THRB: variants seen among roughly 807,000 people sequenced by gnomAD.
THRB encodes thyroid hormone receptor beta, also known as nuclear receptor subfamily 1 group A member 2.
THRB carries 12 observed loss-of-function variants against 47.8 expected under a neutral mutation model. That is an observed-to-expected ratio of 0.25 (90% CI 0.16 to 0.41). The LOEUF is 0.41. Ranked by LOEUF, THRB falls within the 10% of genes least tolerant of loss-of-function variation. The pLI, the probability that THRB is intolerant of heterozygous loss-of-function variation, is 1.00. For missense variants in THRB, 348 were observed against 589.2 expected (o/e 0.59, Z 4.24); for synonymous variants, 218 against 212.2 (o/e 1.03, Z -0.24).
At chr3:24,425,149 A>G (rs2069632882) in intron 1 of THRB, among the ~76,000 whole-genome samples, 1 of 151,764 alleles carries the variant, frequency 6.6e-6, no homozygotes, top group African/African-American at 2.4e-5. Flanking sequence ...AGTTTTCAAG[A>G]TGTGGTATTG....
chr3:24,401,583 A>G (rs1047970297), intron 1 of THRB, among the ~76,000 whole-genome samples: 9 of 152,076 alleles, frequency 5.9e-5, no homozygotes, highest in African/African-American at 2.2e-4. Context: ...ACGTCTATCA[A>G]TAACTCTGCC....
intron 3 of THRB, among the ~76,000 whole-genome samples, chr3:24,238,286 G>GTGT (rs2049105260): frequency 7.3e-6 from 1 of 136,224 alleles, no homozygotes; most frequent in African/African-American, 2.6e-5. Flanking sequence ...TGTGGGGGGG[G>GTGT]GGGGGGTGTG....
intron 3 of THRB, among the ~76,000 whole-genome samples, chr3:24,251,542 T>C (rs542996638): frequency 1.3e-5 from 2 of 152,220 alleles, no homozygotes; most frequent in South Asian, 4.1e-4. Context: ...AGAATAATTA[T>C]AAGAGATGAC....
intron 2 of THRB, among the ~76,000 whole-genome samples, chr3:24,315,167 G>T (rs1169032339): frequency 6.6e-6 from 1 of 152,152 alleles, no homozygotes; most frequent in African/African-American, 2.4e-5. Flanking sequence ...TGCCCTGATG[G>T]ACACGTCTTG....
chr3:24,138,294 A>T (rs1389188806), intron 8 of THRB, among the ~76,000 whole-genome samples: 1 of 152,044 alleles, frequency 6.6e-6, no homozygotes, highest in Non-Finnish European at 1.5e-5. Flanking sequence ...GCCAGGCTAG[A>T]CAGGAAGACC....
At chr3:24,314,457 T>C (rs1164524370) in intron 2 of THRB, among the ~76,000 whole-genome samples, 1 of 152,208 alleles carries the variant, frequency 6.6e-6, no homozygotes, top group Non-Finnish European at 1.5e-5. Flanking sequence ...TCCTGTGAGA[T>C]CCCTGCTATT....
chr3:24,398,544 G>C (rs558239833), intron 1 of THRB, among the ~76,000 whole-genome samples: 1 of 152,306 alleles, frequency 6.6e-6, no homozygotes, highest in South Asian at 2.1e-4. Context: ...TCTCACACCA[G>C]TTAGAATGGC....
chr3:24,447,884 C>T (rs922636637), intron 1 of THRB, among the ~76,000 whole-genome samples: 3 of 151,366 alleles, frequency 2.0e-5, no homozygotes, highest in Non-Finnish European at 4.4e-5. Flanking sequence ...AAAGTAGTTG[C>T]CTCTTGCTGA....
At chr3:24,255,435 G>A (rs899907027) in intron 3 of THRB, among the ~76,000 whole-genome samples, 4 of 152,146 alleles carry the variant, frequency 2.6e-5, no homozygotes, top group Non-Finnish European at 5.9e-5. Flanking sequence ...CTTTTGGAGA[G>A]AATATATATT....
chr3:24,242,734 CCTTT>C (rs1305574337), intron 3 of THRB, among the ~76,000 whole-genome samples: 3 of 151,986 alleles, frequency 2.0e-5, no homozygotes, highest in African/African-American at 7.2e-5. Context: ...TACAATAAGC[CCTTT>C]CTTAGGTGCA....
chr3:24,218,184 C>A (rs1213532566), intron 4 of THRB, among the ~76,000 whole-genome samples: 1 of 152,002 alleles, frequency 6.6e-6, no homozygotes, highest in African/African-American at 2.4e-5. Flanking sequence ...AGGAGAATGG[C>A]TTGAACCCAG....
chr3:24,341,188 G>C (rs5020481), intron 1 of THRB, among the ~76,000 whole-genome samples: 37 of 129,986 alleles, frequency 2.8e-4, no homozygotes, highest in South Asian at 4.9e-4. Context: ...CTTTCCTTTC[G>C]TTTCCTTTCC....
chr3:24,292,473 G>A (rs1370027072), intron 3 of THRB, among the ~76,000 whole-genome samples: 3 of 152,192 alleles, frequency 2.0e-5, no homozygotes, highest in Non-Finnish European at 4.4e-5. Context: ...GAACTGAGAT[G>A]TAGGTGCTGA....
intron 5 of THRB, among the ~76,000 whole-genome samples, chr3:24,153,284 G>C (rs1214828999): frequency 6.6e-6 from 1 of 152,166 alleles, no homozygotes; most frequent in South Asian, 2.1e-4. Flanking sequence ...GCCTTCCTCA[G>C]GGTCTCACTG....
chr3:24,427,233 C>T (rs2069858097), intron 1 of THRB, among the ~76,000 whole-genome samples: 1 of 152,024 alleles, frequency 6.6e-6, no homozygotes, highest in South Asian at 2.1e-4. Context: ...TTTAAAGAAG[C>T]ACAATCACCC....
At chr3:24,148,098 G>T (rs2036354397) in intron 6 of THRB, among the ~76,000 whole-genome samples, 1 of 152,132 alleles carries the variant, frequency 6.6e-6, no homozygotes, top group Non-Finnish European at 1.5e-5. Context: ...GGATAACAAG[G>T]CAAAATGAGT....
chr3:24,234,985 T>G (rs979212263), intron 3 of THRB, among the ~76,000 whole-genome samples: 14 of 152,296 alleles, frequency 9.2e-5, no homozygotes, highest in African/African-American at 2.6e-4. Context: ...CGGAAGGTCT[T>G]TAAGCAGTGA....
intron 1 of THRB, among the ~76,000 whole-genome samples, chr3:24,442,638 A>G (rs933091165): frequency 2.0e-5 from 3 of 152,102 alleles, no homozygotes; most frequent in Non-Finnish European, 4.4e-5. Flanking sequence ...CAGCCTGACC[A>G]ACATGGAGAA....
chr3:24,241,271 A>G (rs927418595), intron 3 of THRB, among the ~76,000 whole-genome samples: 7 of 152,184 alleles, frequency 4.6e-5, no homozygotes, highest in African/African-American at 1.7e-4. Flanking sequence ...CGGCAGAATC[A>G]TCTGAGGAGC....
Sources: gnomAD v4.1 joint callset for allele counts (sites outside exome capture counted in the v4.1 genomes callset) on GRCh38, gnomAD v4.1.1 for gene constraint, MANE v1.5 for transcripts, NCBI Gene and HGNC (gene_info 2026-07-23, HGNC 2026-07-21) for gene names.